Variants in PCDHGA7 observed in about 807,000 individuals in gnomAD.
PCDHGA7 encodes the protein protocadherin gamma subfamily A, 7, also known as protocadherin gamma-A7.
In PCDHGA7, 44 loss-of-function variants were observed where a neutral mutation model predicts 58.3. That is an observed-to-expected ratio of 0.75 (90% CI 0.59 to 0.97). The LOEUF (loss-of-function observed/expected upper bound fraction) is 0.97, where lower values mean the gene tolerates loss of function less well. Among genes scored for constraint, PCDHGA7 ranks in the 50% least tolerant of loss-of-function variants. PCDHGA7 has a pLI of 0.00. For missense variants in PCDHGA7, 1,266 were observed against 1,188.7 expected (o/e 1.06, Z -0.96); for synonymous variants, 516 against 504.2 (o/e 1.02, Z -0.31).
At chr5:141,385,921 T>C (rs1283836532) in intron 1 of PCDHGA7, 1 of 152,286 alleles carries the variant, frequency 6.6e-6, no homozygotes. Context: ...CTAAGATCTA[T>C]ATCAAAGACA....
chr5:141,408,914 A>G lies in PCDHGA7; in HGVS notation c.2424+23591A>G, dbSNP rs776105035. ...AATTTCTGTCAAGGATACCAATGAT[A>G]ACCCCCCGGTTTTCAGCAGAGACGA... On this transcript the variant is annotated intron_variant, in intron 1 of 3. Coordinates refer to ENST00000518325, the MANE Select transcript of PCDHGA7 (RefSeq NM_018920.4). The G allele has an allele frequency of 1.2e-5, 20 of 1,613,446 alleles. No homozygotes were observed. The South Asian group carries it at 2.1e-4, about 17-fold the overall frequency.
intron 1 of PCDHGA7, chr5:141,475,984 G>T: frequency 1.9e-6 from 2 of 1,069,308 alleles, no homozygotes; most frequent in South Asian, 3.1e-5. Context: ...AACAGCCGGC[G>T]AGCAAATCAA....
chr5:141,410,245 C>T, intron 1 of PCDHGA7: 1 of 1,614,038 alleles, frequency 6.2e-7, no homozygotes. Context: ...GCCCTGTACT[C>T]TCTGACCCCC....
intron 1 of PCDHGA7, among the ~76,000 whole-genome samples, chr5:141,448,869 T>C (rs1375609555): frequency 6.6e-6 from 1 of 151,930 alleles, no homozygotes; most frequent in Non-Finnish European, 1.5e-5. Flanking sequence ...GGCGTGAACC[T>C]GGGAGGCGGA....
In PCDHGA7 at chr5:141,487,268, G is replaced by A; in HGVS notation, c.2425-7539G>A. ...CCTCTACTTGGCTGTGTCCCTAGTG[G>A]CAATTTGCTTTGTCTCCTTTGGCTC... On this transcript the variant is annotated intron_variant, in intron 1 of 3. Transcript: ENST00000518325. This position sits in a 1 kb window ranked among gnomAD's most constrained non-coding sequence, Gnocchi z 5.0. 4 of 1,614,100 alleles carry A rather than the reference G, an allele frequency of 2.5e-6. No homozygotes were observed. The South Asian group carries it at 4.4e-5, about 18-fold the overall frequency.
Position 141,383,272 on chromosome 5 carries a change from G to C in PCDHGA7, c.373G>C (p.Asp125His), listed in dbSNP as rs369691483. Residue 125 changes from aspartate (D) to histidine (H), a missense_variant, in exon 1 of 4, where the codon GAT becomes CAT. Physicochemically the swap from Asp to His is moderately conservative, Grantham distance 81. Transcript: ENST00000518325. ...TTACCCTATAGACGTGGAAATAATA[G>C]ATATTAATGACAACGTTCCAAGATT... The part of the protein sequence containing the change: ...NLYPIDVEII[D>H]INDNVPRFLT... 6.2e-7 allele frequency: 1 copy of C among 1,613,802 alleles called. No individual in the cohort carries two copies. The highest frequency in any genetic ancestry group is 8.5e-7 in the Non-Finnish European group (1 of 1,179,884).
intron 1 of PCDHGA7, among the ~76,000 whole-genome samples, chr5:141,467,702 C>T (rs2099149453): frequency 6.6e-6 from 1 of 152,086 alleles, no homozygotes; most frequent in South Asian, 2.1e-4. Context: ...GGCTCTGTTG[C>T]CCAGGCTGGA....
At chr5:141,470,428 T>A (rs974038419) in intron 1 of PCDHGA7, among the ~76,000 whole-genome samples, 1 of 152,254 alleles carries the variant, frequency 6.6e-6, no homozygotes, top group Non-Finnish European at 1.5e-5. Flanking sequence ...TTTTTCCTTG[T>A]GTGCAATAAT....
chr5:141,497,210 G>T (rs988856908), intron 2 of PCDHGA7, among the ~76,000 whole-genome samples: 1 of 28,140 alleles, frequency 3.6e-5, no homozygotes, highest in African/African-American at 1.1e-3. Context: ...TGAGTGTAAT[G>T]GGGGGGGGAA....
intron 1 of PCDHGA7, chr5:141,392,581 C>T: frequency 2.2e-6 from 1 of 463,442 alleles, no homozygotes; most frequent in Non-Finnish European, 3.8e-6. Context: ...GGACTGTAAG[C>T]GCCGCTGTTC....
chr5:141,438,617 TATATATATATATATATATACACAC>T (rs1311176771), intron 1 of PCDHGA7, among the ~76,000 whole-genome samples: 58 of 37,154 alleles, frequency 1.6e-3, no homozygotes, highest in African/African-American at 7.8e-3. Flanking sequence ...TATATATATA[TATATATATATATATATATACACAC>T]ACACACACAC....
At position 141,486,190 on chromosome 5, in the gene PCDHGA7, T is replaced by A; in HGVS notation, c.2425-8617T>A. Reference sequence around the variant, plus strand: ...AGCAACATTGCAGCCTTCGAGTGGATCTGCTGGACGTAAATGACAATGCCC... The same window carrying A: ...AGCAACATTGCAGCCTTCGAGTGGAACTGCTGGACGTAAATGACAATGCCC... On this transcript the variant is annotated intron_variant, in intron 1 of 3. Transcript: ENST00000518325. The surrounding 1 kb of genome is among the most constrained non-coding windows in gnomAD (Gnocchi z 5.0). 1 of 1,614,122 alleles carries A rather than the reference T, an allele frequency of 6.2e-7. No individual in the cohort carries two copies. Among genetic ancestry groups the A allele is most frequent in the South Asian group, 1.1e-5 (1 of 91,070 alleles).
chr5:141,409,914 G>T lies in PCDHGA7; in HGVS notation c.2424+24591G>T, dbSNP rs772848211. 58 of 1,613,230 alleles carry T rather than the reference G, an allele frequency of 3.6e-5. No homozygotes were observed. In the East Asian group the frequency reaches 1.2e-3, roughly 35 times the overall value. On this transcript the variant is annotated intron_variant, in intron 1 of 3. Transcript: ENST00000518325. ...CTGTACCCAGCTCTGGGTCCTGACGGCTCCGCGTTCTTCGATATGGTACCT... is the reference window on the plus strand; with the variant it reads ...CTGTACCCAGCTCTGGGTCCTGACGTCTCCGCGTTCTTCGATATGGTACCT...
At chr5:141,421,651 A>C in intron 1 of PCDHGA7, 1 of 1,613,868 alleles carries the variant, frequency 6.2e-7, no homozygotes, top group Non-Finnish European at 8.5e-7. Flanking sequence ...AGTGGAGATA[A>C]AAGTCAGTGA....
intron 1 of PCDHGA7, among the ~76,000 whole-genome samples, chr5:141,445,948 G>A (rs538607380): frequency 6.6e-6 from 1 of 152,236 alleles, no homozygotes; most frequent in South Asian, 2.1e-4. Flanking sequence ...GCTTACTCTG[G>A]CTGCTATATG....
intron 1 of PCDHGA7, among the ~76,000 whole-genome samples, chr5:141,402,429 T>C (rs2094263946): frequency 6.6e-6 from 1 of 151,986 alleles, no homozygotes; most frequent in Admixed American, 6.6e-5. Flanking sequence ...AATTGAAGCA[T>C]CATAAAAAGG....
At chr5:141,438,610 A>G (rs2098013566) in intron 1 of PCDHGA7, among the ~76,000 whole-genome samples, 1 of 30,060 alleles carries the variant, frequency 3.3e-5, no homozygotes, top group African/African-American at 2.4e-4. Flanking sequence ...ATATATATAT[A>G]TATATATATA....
chr5:141,438,615 TATATATATATATATATATATAC>T (rs1275224820), intron 1 of PCDHGA7, among the ~76,000 whole-genome samples: 95 of 35,914 alleles, frequency 2.6e-3, no homozygotes, highest in East Asian at 8.4e-3. Flanking sequence ...TATATATATA[TATATATATATATATATATATAC>T]ACACACACAC....
Position 141,510,974 on chromosome 5 carries a change from G to T in PCDHGA7, c.2600G>T (p.Gly867Val). The T allele has an allele frequency of 6.2e-7, 1 of 1,614,150 alleles. No homozygotes were observed. The highest frequency in any genetic ancestry group is 1.1e-5 in the South Asian group (1 of 91,088). ...SEAADGSSTL[G>V]GGAGTMGLSA... ...GCTGCTGATGGGAGCTCCACCCTGG[G>T]AGGGGGTGCCGGCACCATGGGATTG... is the stretch of plus-strand genomic sequence containing the variant. The change falls in exon 4 of 4, where the codon GGA becomes GTA. Residue 867 changes from glycine (G) to valine (V), a missense_variant. Physicochemically the swap from Gly to Val is moderately radical, Grantham distance 109. Transcript: ENST00000518325.
Sources: allele counts gnomAD v4.1 joint callset (sites outside exome capture counted in the v4.1 genomes callset), GRCh38; gene constraint gnomAD v4.1.1; non-coding constraint Gnocchi (gnomAD v3.1); transcripts MANE v1.5; gene names NCBI Gene and HGNC (gene_info 2026-07-23, HGNC 2026-07-21).